LINGO2: variants seen among roughly 807,000 people sequenced by gnomAD.
The protein encoded by LINGO2 is leucine-rich repeat and immunoglobulin-like domain-containing nogo receptor-interacting protein 2.
Under a neutral mutation model 30.6 loss-of-function variants are expected in LINGO2, and 14 were observed. The observed-to-expected ratio is 0.46, with a 90% CI of 0.30 to 0.72. The LOEUF is 0.72. LINGO2 is among the 30% of genes least tolerant of loss of function. LINGO2 has a pLI of 0.07. For synonymous variants in LINGO2, 317 were observed against 288.5 expected (o/e 1.10, Z -1.00); for missense variants, 729 against 751.7 (o/e 0.97, Z 0.35).
the LINGO2 span, among the ~76,000 whole-genome samples, chr9:28,937,599 C>T: frequency 6.6e-6 from 1 of 152,092 alleles, no homozygotes; most frequent in Non-Finnish European, 1.5e-5. Context: ...GTCCCACCCA[C>T]TCAGCCATGG....
At chr9:28,416,764 G>A (rs1822982351) in intron 2 of LINGO2, among the ~76,000 whole-genome samples, 1 of 152,148 alleles carries the variant, frequency 6.6e-6, no homozygotes, top group Non-Finnish European at 1.5e-5. Context: ...GAGCTGCAGA[G>A]TATAAGAAGA....
At chr9:28,641,797 G>T (rs1400785742) in intron 1 of LINGO2, among the ~76,000 whole-genome samples, 1 of 152,178 alleles carries the variant, frequency 6.6e-6, no homozygotes, top group East Asian at 1.9e-4. Flanking sequence ...GTCAGTCATT[G>T]GCAGTGGAGA....
intron 4 of LINGO2, among the ~76,000 whole-genome samples, chr9:28,119,064 AATG>A (rs1315975906): frequency 4.6e-5 from 7 of 152,306 alleles, no homozygotes; most frequent in Non-Finnish European, 2.9e-5. Context: ...GTAAAAAAAA[AATG>A]TGTTTTTAAA....
chr9:28,902,573 G>A, the LINGO2 span, among the ~76,000 whole-genome samples: 2 of 152,038 alleles, frequency 1.3e-5, no homozygotes, highest in Non-Finnish European at 2.9e-5. Context: ...TCCAATAGCA[G>A]CAGAATAAAT....
intron 2 of LINGO2, among the ~76,000 whole-genome samples, chr9:28,401,484 G>T (rs1226025513): frequency 6.6e-6 from 1 of 152,136 alleles, no homozygotes; most frequent in African/African-American, 2.4e-5. Context: ...TTTTATGGCT[G>T]CAGAGTATTC....
At chr9:28,988,794 G>A in the LINGO2 span, among the ~76,000 whole-genome samples, 1 of 152,192 alleles carries the variant, frequency 6.6e-6, no homozygotes, top group Admixed American at 6.5e-5. Flanking sequence ...CTGGGGGAGT[G>A]GGACTGGTGG....
chr9:28,876,581 C>T, the LINGO2 span, among the ~76,000 whole-genome samples: 2 of 152,086 alleles, frequency 1.3e-5, no homozygotes, highest in Non-Finnish European at 2.9e-5. Flanking sequence ...GACATGAGCT[C>T]ATCATTTTTT....
chr9:29,042,170 G>A, the LINGO2 span, among the ~76,000 whole-genome samples: 1 of 151,920 alleles, frequency 6.6e-6, no homozygotes, highest in African/African-American at 2.4e-5. Flanking sequence ...AGGATATGAA[G>A]ATATTGGATC....
At chr9:28,299,461 AT>A (rs1824053412) in intron 3 of LINGO2, among the ~76,000 whole-genome samples, 1 of 150,082 alleles carries the variant, frequency 6.7e-6, no homozygotes, top group African/African-American at 2.4e-5. Context: ...TTTTTTTTCT[AT>A]TCATTTAGTC....
At chr9:28,145,649 C>T (rs956014109) in intron 4 of LINGO2, among the ~76,000 whole-genome samples, 27 of 151,984 alleles carry the variant, frequency 1.8e-4, no homozygotes, top group African/African-American at 6.5e-4. Context: ...CCTTCTCTCC[C>T]TCCCTCACTT....
At chr9:28,305,564 T>C (rs1306466374) in intron 3 of LINGO2, among the ~76,000 whole-genome samples, 2 of 152,020 alleles carry the variant, frequency 1.3e-5, no homozygotes, top group African/African-American at 4.8e-5. Context: ...ATTTTTATAG[T>C]CTAGCAACAA....
chr9:28,291,654 G>A (rs949403003), intron 4 of LINGO2, among the ~76,000 whole-genome samples: 6 of 152,152 alleles, frequency 3.9e-5, no homozygotes, highest in Admixed American at 1.3e-4. Flanking sequence ...GAAACCATTC[G>A]AGCTGAAGCA....
At chr9:28,187,867 G>C (rs919140853) in intron 4 of LINGO2, among the ~76,000 whole-genome samples, 6 of 152,112 alleles carry the variant, frequency 3.9e-5, no homozygotes, top group South Asian at 2.1e-4. Context: ...TGTATACTAT[G>C]AGTTGAATAT....
chr9:28,372,121 A>T (rs1273495328), intron 3 of LINGO2, among the ~76,000 whole-genome samples: 4 of 152,182 alleles, frequency 2.6e-5, no homozygotes, highest in African/African-American at 9.7e-5. Flanking sequence ...TTAATATTAA[A>T]TGTTAATATG....
At chr9:28,459,218 TTCATC>T (rs1392266617) in intron 2 of LINGO2, among the ~76,000 whole-genome samples, 1 of 152,018 alleles carries the variant, frequency 6.6e-6, no homozygotes, top group Non-Finnish European at 1.5e-5. Flanking sequence ...TTATGGTTCT[TTCATC>T]TGATCTTCTG....
intron 2 of LINGO2, among the ~76,000 whole-genome samples, chr9:28,465,943 C>T (rs561397113): frequency 6.6e-6 from 1 of 152,096 alleles, no homozygotes; most frequent in East Asian, 1.9e-4. Flanking sequence ...TGGTTTTTAT[C>T]CAAAAGACAG....
At chr9:29,043,421 T>G in the LINGO2 span, among the ~76,000 whole-genome samples, 3 of 151,960 alleles carry the variant, frequency 2.0e-5, no homozygotes, top group Non-Finnish European at 2.9e-5. Context: ...TTTAAGAATC[T>G]TATAAAAATC....
At chr9:28,197,246 A>C (rs1325962010) in intron 4 of LINGO2, among the ~76,000 whole-genome samples, 1 of 152,040 alleles carries the variant, frequency 6.6e-6, no homozygotes, top group Non-Finnish European at 1.5e-5. Flanking sequence ...GATAAAAATA[A>C]AGTTTACATG....
chr9:28,845,858 A>G, the LINGO2 span, among the ~76,000 whole-genome samples: 1 of 151,726 alleles, frequency 6.6e-6, no homozygotes, highest in African/African-American at 2.4e-5. Context: ...CTATGTGCCA[A>G]CTTTTGTCTG....
Sources: gnomAD v4.1 joint callset for allele counts (sites outside exome capture counted in the v4.1 genomes callset) on GRCh38, gnomAD v4.1.1 for gene constraint, MANE v1.5 for transcripts, NCBI Gene and HGNC (gene_info 2026-07-23, HGNC 2026-07-21) for gene names.